Variants in PPP2R5E observed in about 807,000 individuals in gnomAD.
The protein encoded by PPP2R5E is serine/threonine-protein phosphatase 2A 56 kDa regulatory subunit epsilon isoform.
PPP2R5E carries 4 observed loss-of-function variants against 65.3 expected under a neutral mutation model. The ratio of observed to expected loss-of-function variants is 0.06; its 90% confidence interval spans 0.03 to 0.14. The LOEUF (loss-of-function observed/expected upper bound fraction) is 0.14. PPP2R5E is among the 10% of genes least tolerant of loss of function. PPP2R5E has a pLI of 1.00. For synonymous variants in PPP2R5E, 183 were observed against 187.4 expected (o/e 0.98, Z 0.19); for missense variants, 274 against 556.1 (o/e 0.49, Z 5.10).
chr14:63,508,075 T>G, intron 2 of PPP2R5E: 2 of 907,014 alleles, frequency 2.2e-6, no homozygotes, highest in Non-Finnish European at 2.6e-6. Context: ...TCCAAGCCCA[T>G]AAACCCTCAC....
rs1883955529 is a variant in PPP2R5E, at chr14:63,375,842, T to C, written c.*167A>G. The C allele has an allele frequency of 2.3e-6, 1 of 429,718 alleles. No individual in the cohort carries two copies. The highest frequency in any genetic ancestry group is 4.1e-6 in the Non-Finnish European group (1 of 244,350). 26.6% of individuals were successfully genotyped at this position (429,718 alleles called of 1,614,324 possible). A position where few individuals can be genotyped will look rare whatever the true frequency, so the allele number is the denominator to read the frequency against. On this transcript the variant is annotated 3_prime_UTR_variant, in exon 14 of 14. Transcript: ENST00000337537. ...TCCAAACTTTGGATTGAAGTCCTTA[T>C]TTTGTTTTTTCCTTTACTTAGAGAC...
chr14:63,508,722 CA>C (rs1892331608), intron 2 of PPP2R5E, among the ~76,000 whole-genome samples: 1 of 152,266 alleles, frequency 6.6e-6, no homozygotes, highest in Non-Finnish European at 1.5e-5. Flanking sequence ...AAGAGACCCA[CA>C]ATCCTGACTG....
intron 2 of PPP2R5E, among the ~76,000 whole-genome samples, chr14:63,534,007 G>C (rs1328573763): frequency 6.6e-6 from 1 of 152,180 alleles, no homozygotes; most frequent in African/African-American, 2.4e-5. Flanking sequence ...CATCTTCAAA[G>C]AGGCAGTATT....
chr14:63,508,307 C>T (rs1892308302), intron 2 of PPP2R5E: 5 of 705,400 alleles, frequency 7.1e-6, no homozygotes, highest in Non-Finnish European at 8.7e-6. Context: ...CTGCCTGTCA[C>T]TCTTTGTTCT....
At chr14:63,522,555 C>A in intron 2 of PPP2R5E, among the ~76,000 whole-genome samples, 1 of 151,304 alleles carries the variant, frequency 6.6e-6, no homozygotes, top group Non-Finnish European at 1.5e-5. Flanking sequence ...CTCTGCCCGG[C>A]CGCCCATCGT....
chr14:63,523,540 T>G (rs1313834476), intron 2 of PPP2R5E, among the ~76,000 whole-genome samples: 1 of 151,490 alleles, frequency 6.6e-6, no homozygotes, highest in Non-Finnish European at 1.5e-5. Flanking sequence ...CACCACTCCC[T>G]AATCTCAAGT....
chr14:63,398,761 G>A (rs951753798), intron 5 of PPP2R5E, among the ~76,000 whole-genome samples: 1 of 152,162 alleles, frequency 6.6e-6, no homozygotes, highest in East Asian at 1.9e-4. Context: ...CTGCACTACA[G>A]CCTAGGCAAC....
intron 13 of PPP2R5E, among the ~76,000 whole-genome samples, chr14:63,379,415 G>A (rs1282475147): frequency 1.3e-5 from 2 of 152,162 alleles, no homozygotes; most frequent in East Asian, 1.9e-4. Flanking sequence ...GGGATTACAG[G>A]CATGTGCCTC....
chr14:63,533,645 C>T (rs995036362), intron 2 of PPP2R5E, among the ~76,000 whole-genome samples: 1 of 149,704 alleles, frequency 6.7e-6, no homozygotes, highest in African/African-American at 2.5e-5. Flanking sequence ...AATTGTGAGA[C>T]AAGAAATAAC....
intron 3 of PPP2R5E, among the ~76,000 whole-genome samples, chr14:63,434,192 C>CA (rs148922156): frequency 0.018 from 2,747 of 151,298 alleles, 79 homozygotes; most frequent in African/African-American, 0.063. Context: ...TTTGCTTATG[C>CA]AAAAAAAATC....
At chr14:63,532,164 A>G (rs1291329533) in intron 2 of PPP2R5E, among the ~76,000 whole-genome samples, 1 of 152,168 alleles carries the variant, frequency 6.6e-6, no homozygotes, top group Non-Finnish European at 1.5e-5. Flanking sequence ...TTTAAATCCA[A>G]CCAAGGATTT....
chr14:63,467,239 C>CA lies in PPP2R5E; in HGVS notation c.158-13355dup, dbSNP rs1237118716. On this transcript the variant is annotated intron_variant, in intron 2 of 13. Coordinates refer to ENST00000337537, the MANE Select transcript of PPP2R5E (RefSeq NM_006246.5). ...CTCCGTCTCAAAAAAAACAAACAAA[C>CA]AAACAAAAAAAACACTATTTACAAC... Among the ~76,000 whole-genome samples the CA allele has an allele frequency of 9.4e-5, 11 of 117,198 alleles. 1 individual carries two copies. Among genetic ancestry groups the CA allele is most frequent in the African/African-American group, 3.9e-4 (9 of 22,880 alleles). 76.9% of individuals were successfully genotyped at this position (117,198 alleles called of 152,430 possible).
intron 2 of PPP2R5E, among the ~76,000 whole-genome samples, chr14:63,475,662 AAAG>A: frequency 6.6e-6 from 1 of 152,356 alleles, no homozygotes; most frequent in East Asian, 1.9e-4. Context: ...CTACAAAGGC[AAAG>A]AAGAACTGTT....
At chr14:63,460,794 G>A (rs1404031421) in intron 2 of PPP2R5E, among the ~76,000 whole-genome samples, 2 of 152,158 alleles carry the variant, frequency 1.3e-5, no homozygotes, top group Non-Finnish European at 2.9e-5. Flanking sequence ...AAACTAGTAT[G>A]GCTTCAAGCA....
chr14:63,495,523 G>C (rs1387777527), intron 2 of PPP2R5E, among the ~76,000 whole-genome samples: 1 of 151,874 alleles, frequency 6.6e-6, no homozygotes, highest in African/African-American at 2.4e-5. Flanking sequence ...AGAGGTTGCA[G>C]TGAGCTGAAA....
intron 3 of PPP2R5E, among the ~76,000 whole-genome samples, chr14:63,433,786 C>T (rs930296138): frequency 5.9e-5 from 9 of 152,098 alleles, no homozygotes; most frequent in South Asian, 2.1e-4. Context: ...GACTTTCCAG[C>T]GAATCTCCTG....
chr14:63,469,672 C>A (rs112644603), intron 2 of PPP2R5E, among the ~76,000 whole-genome samples: 3 of 152,126 alleles, frequency 2.0e-5, no homozygotes, highest in African/African-American at 4.8e-5. Context: ...CCAGCCTGGG[C>A]GACAGAGCAA....
chr14:63,475,021 C>T (rs998960665), intron 2 of PPP2R5E, among the ~76,000 whole-genome samples: 1 of 152,204 alleles, frequency 6.6e-6, no homozygotes, highest in Non-Finnish European at 1.5e-5. Context: ...AAGTGTCCAA[C>T]GTTGCTGAGA....
chr14:63,379,425 C>T (rs1884182564), intron 13 of PPP2R5E, among the ~76,000 whole-genome samples: 1 of 152,196 alleles, frequency 6.6e-6, no homozygotes, highest in South Asian at 2.1e-4. Flanking sequence ...GCATGTGCCT[C>T]CACGCCCGGC....
Sources: gnomAD v4.1 joint callset for allele counts (sites outside exome capture counted in the v4.1 genomes callset) on GRCh38, gnomAD v4.1.1 for gene constraint, MANE v1.5 for transcripts, NCBI Gene and HGNC (gene_info 2026-07-23, HGNC 2026-07-21) for gene names.